TFB1M: variants seen among roughly 807,000 people sequenced by gnomAD.
TFB1M encodes the protein transcription factor B1, mitochondrial, also known as dimethyladenosine transferase 1, mitochondrial.
In TFB1M, 27 loss-of-function variants were observed where a neutral mutation model predicts 31.1. The observed-to-expected ratio is 0.87, with a 90% CI of 0.64 to 1.20. The LOEUF (loss-of-function observed/expected upper bound fraction) is 1.20, where lower values mean the gene tolerates loss of function less well. Ranked by LOEUF, TFB1M falls within the 50% of genes most tolerant of loss-of-function variation. The pLI, the probability that TFB1M is intolerant of heterozygous loss-of-function variation, is 0.00. For synonymous variants in TFB1M, 166 were observed against 151.8 expected, an observed-to-expected ratio of 1.09 and a Z score of -0.69; for missense variants, 394 against 418.7, an observed-to-expected ratio of 0.94 and a Z score of 0.51.
intron 5 of TFB1M, among the ~76,000 whole-genome samples, chr6:155,268,736 G>A (rs9384306): frequency 0.13 from 19,211 of 151,240 alleles, 1,494 homozygotes; most frequent in Non-Finnish European, 0.18. Context: ...TTGTTAAACA[G>A]ATGCTTGAAG....
the TFB1M span, among the ~76,000 whole-genome samples, chr6:155,242,291 C>A: frequency 6.6e-6 from 1 of 152,262 alleles, no homozygotes; most frequent in East Asian, 1.9e-4. Flanking sequence ...GTGATTCACA[C>A]ACACACCACC....
Position 155,296,953 on chromosome 6 carries a change from C to T in TFB1M, c.546G>A (p.Glu182=). The T allele has an allele frequency of 6.2e-7, 1 of 1,613,632 alleles. No homozygotes were observed. Among genetic ancestry groups the T allele is most frequent in the African/African-American group, 1.3e-5 (1 of 75,004 alleles). Residue 182 remains glutamate, a splice_region_variant and synonymous_variant, in exon 4 of 7, where the codon GAG becomes GAA. Coordinates refer to ENST00000367166, the MANE Select transcript of TFB1M (RefSeq NM_016020.4). ...ATAGTCACAAAATGTTAAAACTTAC[C>T]TCTGCCACTTCCTTTTGAAAAGTCA... The part of the protein sequence containing the change: ...MTLTFQKEVA[E]RLAANTGSKQ...
At chr6:155,263,346 A>C (rs975089945) in intron 5 of TFB1M, among the ~76,000 whole-genome samples, 1 of 152,246 alleles carries the variant, frequency 6.6e-6, no homozygotes, top group African/African-American at 2.4e-5. Flanking sequence ...AGAAGTACTT[A>C]AAATATTCTA....
In TFB1M at chr6:155,256,619, C is replaced by G. The variant is rs1221540600; in HGVS notation, c.*1217G>C. Reference sequence around the variant, plus strand: ...ACCCAGAGCAGCGGCTGCCCCACGGCTGAGGGCAGGCAGGACTCCAAGAGC... The same window carrying G: ...ACCCAGAGCAGCGGCTGCCCCACGGGTGAGGGCAGGCAGGACTCCAAGAGC... On this transcript the variant is annotated 3_prime_UTR_variant, in exon 7 of 7. Transcript: ENST00000367166. 1.2e-6 allele frequency: 2 copies of G among 1,614,154 alleles called. No individual in the cohort carries two copies. Among genetic ancestry groups the G allele is most frequent in the Admixed American group, 3.3e-5 (2 of 60,026 alleles).
At chr6:155,251,195 A>G (rs909885725), downstream of TFB1M, among the ~76,000 whole-genome samples, 2 of 152,244 alleles carry the variant, frequency 1.3e-5, no homozygotes, top group Non-Finnish European at 2.9e-5. Flanking sequence ...ATCGCTCTGC[A>G]TCCTCATTAT....
chr6:155,288,603 CA>C (rs1776769815), intron 4 of TFB1M, among the ~76,000 whole-genome samples: 1 of 152,176 alleles, frequency 6.6e-6, no homozygotes, highest in African/African-American at 2.4e-5. Context: ...TCACTTAGAA[CA>C]CATCCAGAAA....
chr6:155,272,434 C>G (rs1279641976), intron 5 of TFB1M, among the ~76,000 whole-genome samples: 1 of 151,884 alleles, frequency 6.6e-6, no homozygotes, highest in African/African-American at 2.4e-5. Context: ...GTTTTGGGAC[C>G]ATGAGAGAGT....
chr6:155,266,719 C>T (rs1171844308), intron 5 of TFB1M, among the ~76,000 whole-genome samples: 2 of 151,708 alleles, frequency 1.3e-5, no homozygotes, highest in Non-Finnish European at 2.9e-5. Flanking sequence ...TGGTGGCGGC[C>T]GCCTGTAGTC....
chr6:155,257,896 C>T lies in TFB1M; in HGVS notation c.981G>A (p.Lys327=), dbSNP rs1303655754. Residue 327 remains lysine, a synonymous_variant, in exon 7 of 7, where the codon AAG becomes AAA. Transcript: ENST00000367166. Reference sequence around the variant, plus strand: ...TTTCTTCATTTTTGCTTTTTCTTCGCTTGAGTTCTTCTCTGAAATTATATG... The same window carrying T: ...TTTCTTCATTTTTGCTTTTTCTTCGTTTGAGTTCTTCTCTGAAATTATATG... ...LFAYNFREEL[K]RRKSKNEEKE... 1 of 1,614,156 alleles carries T rather than the reference C, an allele frequency of 6.2e-7. No homozygotes were observed. The highest frequency in any genetic ancestry group is 8.5e-7 in the Non-Finnish European group (1 of 1,180,026).
the TFB1M span, chr6:155,250,581 G>A: frequency 1.2e-5 from 19 of 1,535,850 alleles, no homozygotes; most frequent in Non-Finnish European, 1.6e-5. Flanking sequence ...CTAGATCCCA[G>A]GGGAAAGCTT....
At chr6:155,242,495 T>A in the TFB1M span, among the ~76,000 whole-genome samples, 1 of 152,194 alleles carries the variant, frequency 6.6e-6, no homozygotes, top group East Asian at 1.9e-4. Flanking sequence ...GAGGTTTTTA[T>A]GGTGAAAGCA....
At chr6:155,298,428 T>C (rs372549956) in intron 3 of TFB1M, 49 bp downstream of exon 3, 8 of 927,808 alleles carry the variant, frequency 8.6e-6, no homozygotes, top group Non-Finnish European at 1.4e-5. Context: ...ACATTTGTGA[T>C]ATAAATAATC....
chr6:155,300,025 C>G (rs1777355752), intron 2 of TFB1M, among the ~76,000 whole-genome samples: 1 of 152,176 alleles, frequency 6.6e-6, no homozygotes, highest in Admixed American at 6.6e-5. Flanking sequence ...GTGTTTAATA[C>G]ATATTTAAGA....
At chr6:155,249,921 G>A in the TFB1M span, 1 of 1,614,136 alleles carries the variant, frequency 6.2e-7, no homozygotes. Flanking sequence ...AGGATTATGG[G>A]ACCGTGTTTG....
chr6:155,234,113 G>A, the TFB1M span, among the ~76,000 whole-genome samples: 1 of 151,682 alleles, frequency 6.6e-6, no homozygotes, highest in Non-Finnish European at 1.5e-5. Flanking sequence ...TTGGTTTCAT[G>A]CTCTTTTATG....
intron 5 of TFB1M, among the ~76,000 whole-genome samples, chr6:155,264,614 T>C (rs1784535640): frequency 6.6e-6 from 1 of 152,216 alleles, no homozygotes; most frequent in Non-Finnish European, 1.5e-5. Flanking sequence ...CACCCTTTTT[T>C]CTTCCTACAG....
the TFB1M span, chr6:155,244,955 G>GTA: frequency 1.2e-6 from 1 of 850,914 alleles, no homozygotes; most frequent in Non-Finnish European, 1.6e-6. Context: ...AAGGAAGGCT[G>GTA]TATATATTTT....
chr6:155,250,417 G>T, the TFB1M span: 3 of 645,598 alleles, frequency 4.6e-6, no homozygotes, highest in Non-Finnish European at 4.8e-6. Context: ...TTAGAATCTT[G>T]TGCTTCTCAA....
intron 2 of TFB1M, among the ~76,000 whole-genome samples, chr6:155,299,284 G>A (rs951430668): frequency 6.6e-6 from 1 of 151,940 alleles, no homozygotes; most frequent in African/African-American, 2.4e-5. Context: ...GAGCAAAAAG[G>A]GGAAAAAAAG....
Sources: gnomAD v4.1 joint callset for allele counts (sites outside exome capture counted in the v4.1 genomes callset) on GRCh38, gnomAD v4.1.1 for gene constraint, MANE v1.5 for transcripts, NCBI Gene and HGNC (gene_info 2026-07-23, HGNC 2026-07-21) for gene names.